Variants in ACTN2 observed in about 807,000 individuals in gnomAD.
The protein encoded by ACTN2 is actinin alpha 2.
A neutral mutation model predicts 113.8 loss-of-function variants in ACTN2; 39 were observed. That is an observed-to-expected ratio of 0.34 (90% CI 0.27 to 0.45). ACTN2 has a LOEUF of 0.45. Among genes scored for constraint, ACTN2 ranks in the 20% least tolerant of loss-of-function variants. ACTN2 has a pLI of 1.00. For missense variants in ACTN2, 992 were observed against 1,177.9 expected (o/e 0.84, Z 2.31); for synonymous variants, 429 against 444.1 (o/e 0.97, Z 0.43).
At chr1:236,689,684 T>C (rs1285320433) in intron 1 of ACTN2, among the ~76,000 whole-genome samples, 2 of 152,168 alleles carry the variant, frequency 1.3e-5, no homozygotes, top group Non-Finnish European at 2.9e-5. Flanking sequence ...ACTGAAATGC[T>C]GAGACACACT....
chr1:236,753,314 G>T (rs1281639026), intron 15 of ACTN2, among the ~76,000 whole-genome samples: 1 of 152,202 alleles, frequency 6.6e-6, no homozygotes, highest in African/African-American at 2.4e-5. Context: ...TCATGTATAT[G>T]CTTCTTTACT....
chr1:236,707,233 C>G (rs1184130251), intron 1 of ACTN2, among the ~76,000 whole-genome samples: 2 of 152,188 alleles, frequency 1.3e-5, no homozygotes, highest in Non-Finnish European at 2.9e-5. Context: ...ATGCTCTTTG[C>G]TCTCCAGCAG....
Position 236,709,218 on chromosome 1 carries a change from C to CTGTGTG in ACTN2, c.127-8637_127-8636insGTGTGT, listed in dbSNP as rs200979652. Among the ~76,000 whole-genome samples the CTGTGTG allele has an allele frequency of 6.0e-3, 342 of 57,238 alleles. 5 individuals carry two copies. Among genetic ancestry groups the CTGTGTG allele is most frequent in the African/African-American group, 0.02 (307 of 15,068 alleles). The allele number at this position is 57,238 out of a possible 152,430, so 37.6% of individuals were successfully genotyped here. A position where few individuals can be genotyped will look rare whatever the true frequency, so the allele number is the denominator to read the frequency against. On this transcript the variant is annotated intron_variant, in intron 1 of 20. Transcript: ENST00000366578. ...TCATAAAGCTGATCATGACAAATGACTGTATATATATATATATATATATAT... is the reference window on the plus strand; with the variant it reads ...TCATAAAGCTGATCATGACAAATGACTGTGTGTGTATATATATATATATATATATAT...
chr1:236,693,779 C>T (rs1657376389), intron 1 of ACTN2, among the ~76,000 whole-genome samples: 2 of 152,212 alleles, frequency 1.3e-5, no homozygotes, highest in South Asian at 4.2e-4. Context: ...CTCCAAGATG[C>T]TGCCAAAAAT....
intron 1 of ACTN2, among the ~76,000 whole-genome samples, chr1:236,705,013 G>T (rs1657784035): frequency 6.6e-6 from 1 of 152,262 alleles, no homozygotes; most frequent in Admixed American, 6.5e-5. Context: ...AGTCAGATAA[G>T]GTAGGTCAGA....
intron 1 of ACTN2, among the ~76,000 whole-genome samples, chr1:236,696,822 C>T (rs773171824): frequency 2.0e-5 from 3 of 152,244 alleles, no homozygotes; most frequent in Non-Finnish European, 2.9e-5. Context: ...TGCGCCACCA[C>T]GCCCAGCTAA....
intron 10 of ACTN2, among the ~76,000 whole-genome samples, chr1:236,741,769 T>A (rs942185886): frequency 1.3e-5 from 2 of 152,216 alleles, no homozygotes; most frequent in African/African-American, 2.4e-5. Context: ...TTAAAATTCA[T>A]CCCGCCTACA....
At chr1:236,726,063 C>T (rs369969097) in intron 5 of ACTN2, 43 bp downstream of exon 5, 10 of 1,537,206 alleles carry the variant, frequency 6.5e-6, no homozygotes, top group Non-Finnish European at 8.1e-6. Context: ...TCAGTGGAAT[C>T]TGTGGGTAGC....
intron 1 of ACTN2, among the ~76,000 whole-genome samples, chr1:236,711,516 G>T (rs1249631227): frequency 6.6e-6 from 1 of 152,000 alleles, no homozygotes; most frequent in East Asian, 1.9e-4. Flanking sequence ...GCCAGGCTAA[G>T]TTTTTATATT....
At position 236,754,873 on chromosome 1, in the gene ACTN2, T is replaced by G; in HGVS notation, c.1975-146T>G. On this transcript the variant is annotated intron_variant, in intron 16 of 20. Coordinates refer to ENST00000366578, the MANE Select transcript of ACTN2 (RefSeq NM_001103.4). This position sits in a 1 kb window ranked among gnomAD's most constrained non-coding sequence, Gnocchi z 4.9. ...GATGCTACCCAGTCCCCACTTCCTC[T>G]GAGAAAAGTGAACCGAGTGACACTG... 3.3e-6 allele frequency: 3 copies of G among 900,662 alleles called. No homozygotes were observed. Among genetic ancestry groups the G allele is most frequent in the Non-Finnish European group, 5.5e-6 (3 of 543,224 alleles). 55.8% of individuals were successfully genotyped at this position (900,662 alleles called of 1,614,324 possible).
chr1:236,692,694 G>T (rs1666127303), intron 1 of ACTN2, among the ~76,000 whole-genome samples: 1 of 152,186 alleles, frequency 6.6e-6, no homozygotes, highest in African/African-American at 2.4e-5. Flanking sequence ...AACACTCTTT[G>T]CTTTTACATC....
At chr1:236,758,590 T>TTTTTC (rs1022034549) in intron 18 of ACTN2, among the ~76,000 whole-genome samples, 2 of 139,656 alleles carry the variant, frequency 1.4e-5, no homozygotes, top group African/African-American at 5.8e-5. Flanking sequence ...CACCTGGCCT[T>TTTTTC]TTTTCTTTTT....
intron 4 of ACTN2, among the ~76,000 whole-genome samples, chr1:236,721,096 T>C (rs566770711): frequency 2.4e-4 from 34 of 142,448 alleles, no homozygotes; most frequent in Middle Eastern, 7.8e-3. Context: ...GGCGCGATCT[T>C]GGCTCACTGC....
At chr1:236,741,254 C>T (rs138314198) in intron 10 of ACTN2, among the ~76,000 whole-genome samples, 2,922 of 151,704 alleles carry the variant, frequency 0.019, 57 homozygotes, top group South Asian at 0.081. Context: ...TTGCCAGGGG[C>T]GGCCCAAACT....
chr1:236,752,028 A>C (rs1659411011), intron 15 of ACTN2, among the ~76,000 whole-genome samples: 1 of 152,238 alleles, frequency 6.6e-6, no homozygotes, highest in Non-Finnish European at 1.5e-5. Context: ...AATATGATAT[A>C]GACATGTCCC....
intron 6 of ACTN2, among the ~76,000 whole-genome samples, chr1:236,730,566 C>T (rs1188423655): frequency 1.3e-5 from 2 of 152,080 alleles, no homozygotes; most frequent in East Asian, 1.9e-4. Context: ...AGAAATGTTG[C>T]ATCTTCTTTG....
rs1658704434 is a variant in ACTN2, at chr1:236,731,238, C to A, written c.621C>A (p.Asp207Glu). 1 of 1,611,620 alleles carries A rather than the reference C, an allele frequency of 6.2e-7. No individual in the cohort carries two copies. Among genetic ancestry groups the A allele is most frequent in the East Asian group, 2.2e-5 (1 of 44,846 alleles). Residue 207 changes from aspartate to glutamate, a missense_variant, in exon 7 of 21, where the codon GAC becomes GAA. Asp to Glu is a conservative substitution (Grantham distance 45). Transcript: ENST00000366578. The part of the protein sequence containing the change: ...LIDYSKLNKD[D>E]PIGNINLAME... ...CTGTCTTGGTTTTCATACAGGATGA[C>A]CCCATAGGAAATATTAACCTGGCCA...
At chr1:236,688,059 A>G (rs935992666) in intron 1 of ACTN2, among the ~76,000 whole-genome samples, 2 of 152,212 alleles carry the variant, frequency 1.3e-5, no homozygotes, top group African/African-American at 2.4e-5. Flanking sequence ...GCCGTCTACT[A>G]TTGTTTAAAG....
At chr1:236,724,096 C>T (rs1031045118) in intron 4 of ACTN2, among the ~76,000 whole-genome samples, 24 of 151,840 alleles carry the variant, frequency 1.6e-4, no homozygotes, top group Middle Eastern at 3.4e-3. Context: ...GGCTGGAAGT[C>T]CAAAATCAGA....
Sources: gnomAD v4.1 joint callset for allele counts (sites outside exome capture counted in the v4.1 genomes callset) on GRCh38, gnomAD v4.1.1 for gene constraint, Gnocchi (gnomAD v3.1) non-coding constraint, MANE v1.5 for transcripts, NCBI Gene and HGNC (gene_info 2026-07-23, HGNC 2026-07-21) for gene names.